Variants in OVCH2 observed in about 807,000 individuals in gnomAD.
OVCH2 encodes ovochymase 2, also known as ovochymase-2.
A neutral mutation model predicts 73.7 loss-of-function variants in OVCH2; 88 were observed. The ratio of observed to expected loss-of-function variants is 1.19; its 90% CI spans 1.01 to 1.43. The LOEUF is 1.43. Among genes scored for constraint, OVCH2 ranks in the 40% most tolerant of loss-of-function variants. The probability of loss-of-function intolerance (pLI) is 0.00; values close to 1 mark genes in which losing one functional copy is unlikely to be tolerated. For synonymous variants in OVCH2, 265 were observed against 234.5 expected (o/e 1.13, Z -1.19); for missense variants, 706 against 674.5 (o/e 1.05, Z -0.52).
Position 7,689,862 on chromosome 11 carries a change from C to T in OVCH2, c.*31+62G>A, listed in dbSNP as rs146773029. ...GATGGAATTAAATCCATATCACCTGCTTCTCCGGTTGAACCCTGGATTATA... is the reference window on the plus strand; with the variant it reads ...GATGGAATTAAATCCATATCACCTGTTTCTCCGGTTGAACCCTGGATTATA... On this transcript the variant is annotated intron_variant, in intron 15 of 15. Coordinates refer to ENST00000533663, the MANE Select transcript of OVCH2 (RefSeq NM_198185.7). 1.1e-4 allele frequency: 114 copies of T among 1,026,612 alleles called. No homozygotes were observed. In the African/African-American group the frequency reaches 1.6e-3, roughly 14 times the overall value. 63.6% of individuals were successfully genotyped at this position (1,026,612 alleles called of 1,614,324 possible).
Position 7,689,819 on chromosome 11 carries a change from T to C in OVCH2, c.*31+105A>G, listed in dbSNP as rs1170563689. ...TCTGGGGTACTGGAGGTTAGGACTCTAGTATATTTTGGAGGAAGATGGAAT... is the reference window on the plus strand; with the variant it reads ...TCTGGGGTACTGGAGGTTAGGACTCCAGTATATTTTGGAGGAAGATGGAAT... On this transcript the variant is annotated intron_variant, in intron 15 of 15. Coordinates refer to ENST00000533663, the MANE Select transcript of OVCH2 (RefSeq NM_198185.7). 3 of 736,840 alleles carry C rather than the reference T, an allele frequency of 4.1e-6. No homozygotes were observed. The African/African-American group carries it at 5.2e-5, about 13-fold the overall frequency. 45.6% of individuals were successfully genotyped at this position (736,840 alleles called of 1,614,324 possible). A position where few individuals can be genotyped will look rare whatever the true frequency, so the allele number is the denominator to read the frequency against.
intron 12 of OVCH2, among the ~76,000 whole-genome samples, chr11:7,694,006 G>A (rs1856271844): frequency 6.6e-6 from 1 of 152,014 alleles, no homozygotes; most frequent in African/African-American, 2.4e-5. Context: ...CATTCTCCAG[G>A]CTGTCATAAA....
At chr11:7,694,798 C>T (rs1360689135) in intron 12 of OVCH2, among the ~76,000 whole-genome samples, 4 of 133,298 alleles carry the variant, frequency 3.0e-5, no homozygotes, top group African/African-American at 1.2e-4. Flanking sequence ...AAGATTAAAG[C>T]GGCACTTTTT....
the OVCH2 span, among the ~76,000 whole-genome samples, chr11:7,678,902 A>T: frequency 6.6e-6 from 1 of 152,238 alleles, no homozygotes; most frequent in Non-Finnish European, 1.5e-5. Flanking sequence ...AGTAATATGC[A>T]TGGAACAAAC....
chr11:7,695,494 A>G lies in OVCH2; in HGVS notation c.1282+76T>C, dbSNP rs1021724482. On this transcript the variant is annotated intron_variant, in intron 11 of 15. Transcript: ENST00000533663. ...GGGCCTTGGGAGAGGGATCCCTGCC[A>G]CTCACCTAATTCCTATGGGGCCTAA... 43 of 1,387,800 alleles carry G rather than the reference A, an allele frequency of 3.1e-5. No homozygotes were observed. In the African/African-American group the frequency reaches 5.3e-4, roughly 17 times the overall value. 86.0% of individuals were successfully genotyped at this position (1,387,800 alleles called of 1,614,324 possible). A position where few individuals can be genotyped will look rare whatever the true frequency, so the allele number is the denominator to read the frequency against.
At chr11:7,678,886 T>A in the OVCH2 span, among the ~76,000 whole-genome samples, 1 of 152,190 alleles carries the variant, frequency 6.6e-6, no homozygotes, top group Admixed American at 6.5e-5. Context: ...AACCTCAGCA[T>A]CGTGCAGTAA....
downstream of OVCH2, among the ~76,000 whole-genome samples, chr11:7,688,701 TAA>T (rs772803953): frequency 6.6e-6 from 1 of 152,188 alleles, no homozygotes; most frequent in South Asian, 2.1e-4. Flanking sequence ...TGGCAAACTA[TAA>T]AAGTTTCCCC....
At chr11:7,703,034 G>A (rs529728677) in intron 3 of OVCH2, among the ~76,000 whole-genome samples, 1 of 152,308 alleles carries the variant, frequency 6.6e-6, no homozygotes, top group Admixed American at 6.5e-5. Flanking sequence ...CTTGTTAAAA[G>A]AAGAGTCAAC....
At chr11:7,694,835 G>C (rs918627994) in intron 12 of OVCH2, among the ~76,000 whole-genome samples, 3 of 133,108 alleles carry the variant, frequency 2.3e-5, no homozygotes, top group Non-Finnish European at 4.7e-5. Flanking sequence ...TTAAAGTAAG[G>C]AGCACAGTGC....
chr11:7,697,585 C>A (rs751903044), intron 8 of OVCH2, among the ~76,000 whole-genome samples: 69 of 152,120 alleles, frequency 4.5e-4, no homozygotes, highest in Non-Finnish European at 9.1e-4. Flanking sequence ...AAAACTGCAC[C>A]CACTTCTGAT....
Position 7,700,405 on chromosome 11 carries a change from G to A in OVCH2, c.792C>T (p.Gly264=). 4.3e-6 allele frequency: 7 copies of A among 1,613,088 alleles called. No individual in the cohort carries two copies. Residue 264 remains glycine, a synonymous_variant, in exon 7 of 16, where the codon GGC becomes GGT. Coordinates refer to ENST00000533663, the MANE Select transcript of OVCH2 (RefSeq NM_198185.7). ...CATTGTTTCTCCAGCCTCGACCACA[G>A]CCCAAACCCCAGGAAGTCACACCAG... ...TLAGVTSWGL[G]CGRGWRNNVR... is the part of the protein sequence containing the mutation.
At chr11:7,697,777 C>G (rs1219224983) in intron 8 of OVCH2, among the ~76,000 whole-genome samples, 1 of 152,148 alleles carries the variant, frequency 6.6e-6, no homozygotes, top group Admixed American at 6.5e-5. Context: ...TTTCTTGTCT[C>G]TCAAACTAAT....
chr11:7,686,850 C>T (rs1300144895), downstream of OVCH2, among the ~76,000 whole-genome samples: 1 of 152,224 alleles, frequency 6.6e-6, no homozygotes, highest in African/African-American at 2.4e-5. Context: ...ACAGCAGCTT[C>T]ACCCAGAGGC....
chr11:7,695,776 A>G, intron 10 of OVCH2, 66 bp from the exon 11 acceptor site: 1 of 1,540,862 alleles, frequency 6.5e-7, no homozygotes, highest in South Asian at 1.2e-5. Flanking sequence ...CAATGATTTA[A>G]GAAGAACTGA....
chr11:7,702,307 C>T lies in OVCH2; in HGVS notation c.313G>A (p.Val105Ile), dbSNP rs368884038. ...CTTAAGTCATACTCTCCAGCAGTAACATTCAAAGTAGACACAATGTTTCTA... is the reference window on the plus strand; with the variant it reads ...CTTAAGTCATACTCTCCAGCAGTAATATTCAAAGTAGACACAATGTTTCTA... ...ANRNIVSTLN[V>I]TAGEYDLSQT... is the part of the protein sequence containing the mutation. The change falls in exon 4 of 16, where the codon GTT becomes ATT. Residue 105 changes from valine (V) to isoleucine (I), a missense_variant. By Grantham distance (29) the Val-to-Ile change is conservative. Transcript: ENST00000533663. The T allele has an allele frequency of 1.8e-5, 28 of 1,596,636 alleles. No individual in the cohort carries two copies. Among genetic ancestry groups the T allele is most frequent in the Admixed American group, 3.7e-5 (2 of 54,256 alleles).
Position 7,699,075 on chromosome 11 carries a change from A to G in OVCH2, c.902-302T>C, listed in dbSNP as rs1856387747. 7 of 297,994 alleles carry G rather than the reference A, an allele frequency of 2.3e-5. No homozygotes were observed. The South Asian group carries it at 3.0e-4, about 13-fold the overall frequency. The allele number at this position is 297,994 out of a possible 1,614,324, so 18.5% of individuals were successfully genotyped here. On this transcript the variant is annotated intron_variant, in intron 7 of 15. Transcript: ENST00000533663. ...GGCTAGAGATGGAAATAGTTTGTCCATAACTATAAAAGAGTTGCTGGGTTA... is the reference window on the plus strand; with the variant it reads ...GGCTAGAGATGGAAATAGTTTGTCCGTAACTATAAAAGAGTTGCTGGGTTA...
At chr11:7,703,582 G>T in intron 3 of OVCH2, 116 bp downstream of exon 3, 1 of 805,972 alleles carries the variant, frequency 1.2e-6, no homozygotes, top group Non-Finnish European at 1.9e-6. Context: ...ATATTCATCT[G>T]TTAAACCAAT....
chr11:7,696,500 T>C lies in OVCH2; in HGVS notation c.1106A>G (p.Tyr369Cys), dbSNP rs775381863. Reference protein sequence around the residue: ...HLDVESCHHSYLSMYSLEDRP... With the variant: ...HLDVESCHHSCLSMYSLEDRP... ...GTCTTCTAAAGAATACATTGACAGG[T>C]AACTGTGGTGACAAGACTCAACATC... Residue 369 changes from tyrosine to cysteine, a missense_variant, in exon 10 of 16, where the codon TAC (tyrosine) becomes TGC (cysteine). Coordinates refer to ENST00000533663, the MANE Select transcript of OVCH2 (RefSeq NM_198185.7). 1.2e-6 allele frequency: 2 copies of C among 1,613,852 alleles called. No homozygotes were observed. The highest frequency in any genetic ancestry group is 1.3e-5 in the African/African-American group (1 of 74,918).
Position 7,701,413 on chromosome 11 carries a change from C to T in OVCH2, c.622G>A (p.Val208Met), listed in dbSNP as rs749194521. 3.1e-6 allele frequency: 5 copies of T among 1,612,804 alleles called. No individual in the cohort carries two copies. The highest frequency in any genetic ancestry group is 1.1e-5 in the South Asian group (1 of 90,668). Residue 208 changes from valine to methionine, a missense_variant, in exon 6 of 16, where the codon GTG (valine) becomes ATG (methionine). Val to Met is a conservative substitution (Grantham distance 21). Coordinates refer to ENST00000533663, the MANE Select transcript of OVCH2 (RefSeq NM_198185.7). ...CTCTTTAGTGTTAACAGAGCTGCCA[C>T]ACACTCTTCCCAGGTCAAAATAGGC... ...NLPILTWEEC[V>M]AALLTLKRPI...
Sources: gnomAD v4.1 joint callset for allele counts (sites outside exome capture counted in the v4.1 genomes callset) on GRCh38, gnomAD v4.1.1 for gene constraint, MANE v1.5 for transcripts, NCBI Gene and HGNC (gene_info 2026-07-23, HGNC 2026-07-21) for gene names.